PCCA: variants seen among roughly 807,000 people sequenced by gnomAD.
The protein encoded by PCCA is propionyl-CoA carboxylase subunit alpha, also known as propionyl-CoA carboxylase alpha chain, mitochondrial.
PCCA carries 74 observed loss-of-function variants against 101.3 expected under a neutral mutation model. That is an observed-to-expected ratio of 0.73 (90% CI 0.61 to 0.89). The LOEUF is 0.89. Among genes scored for constraint, PCCA ranks in the 40% least tolerant of loss-of-function variants. PCCA has a pLI of 0.00. For synonymous variants in PCCA, 294 were observed against 313.6 expected (o/e 0.94, Z 0.66); for missense variants, 891 against 907.0 (o/e 0.98, Z 0.23).
At chr13:100,384,068 C>T (rs1309483359) in intron 19 of PCCA, among the ~76,000 whole-genome samples, 1 of 150,714 alleles carries the variant, frequency 6.6e-6, no homozygotes, top group Non-Finnish European at 1.5e-5. Flanking sequence ...CTCTGTTGCC[C>T]AGGCAGGAGT....
At chr13:100,521,924 CAG>C (rs2087331650) in intron 22 of PCCA, among the ~76,000 whole-genome samples, 1 of 152,218 alleles carries the variant, frequency 6.6e-6, no homozygotes, top group Non-Finnish European at 1.5e-5. Context: ...CAGAAAAACA[CAG>C]AATGTAGGAC....
intron 21 of PCCA, chr13:100,479,511 A>T (rs12430630): frequency 2.6e-5 from 4 of 152,206 alleles, no homozygotes; most frequent in Non-Finnish European, 5.9e-5. Context: ...ATGATTATAT[A>T]CTGTATTCCT....
At chr13:100,438,770 C>T (rs941449206) in intron 20 of PCCA, among the ~76,000 whole-genome samples, 1 of 151,754 alleles carries the variant, frequency 6.6e-6, no homozygotes, top group African/African-American at 2.4e-5. Flanking sequence ...AGTTTCTTTG[C>T]CTTATTCTTT....
intron 22 of PCCA, among the ~76,000 whole-genome samples, chr13:100,524,374 C>CGTGTGTGTGTGTGTGT (rs1210676697): frequency 0.01 from 1,432 of 139,122 alleles, 25 homozygotes; most frequent in South Asian, 0.02. Flanking sequence ...CAATTAAGCT[C>CGTGTGTGTGTGTGTGT]GTGTGTGTGT....
chr13:100,273,270 C>T lies in PCCA; in HGVS notation c.989C>T (p.Ser330Phe), dbSNP rs1296055538. ...AVALARAVKY[S>F]SAGTVEFLVD... is the part of the protein sequence containing the mutation. ...GCTCTTGCCAGAGCAGTAAAATATTCCTCTGCTGGGACCGTGGAGTTCCTT... is the reference window on the plus strand; with the variant it reads ...GCTCTTGCCAGAGCAGTAAAATATTTCTCTGCTGGGACCGTGGAGTTCCTT... Residue 330 changes from serine to phenylalanine, a missense_variant, in exon 12 of 24, where the codon TCC becomes TTC. By Grantham distance (155) the Ser-to-Phe change is radical. Coordinates refer to ENST00000376285, the MANE Select transcript of PCCA (RefSeq NM_000282.4). The T allele has an allele frequency of 3.1e-6, 5 of 1,610,572 alleles. No homozygotes were observed. The highest frequency in any genetic ancestry group is 2.2e-5 in the East Asian group (1 of 44,820).
chr13:100,252,830 G>C (rs930068960), intron 8 of PCCA, among the ~76,000 whole-genome samples: 2 of 152,102 alleles, frequency 1.3e-5, no homozygotes, highest in East Asian at 1.9e-4. Context: ...TGCTGCAAAG[G>C]CTTCCTCATC....
At chr13:100,228,057 C>T (rs2152508289) in intron 7 of PCCA, among the ~76,000 whole-genome samples, 1 of 152,108 alleles carries the variant, frequency 6.6e-6, no homozygotes, top group East Asian at 1.9e-4. Flanking sequence ...GCTCTTTCAC[C>T]CAGGCTGGAG....
At chr13:100,150,234 A>G (rs1288518716) in intron 4 of PCCA, among the ~76,000 whole-genome samples, 3 of 152,064 alleles carry the variant, frequency 2.0e-5, no homozygotes, top group Non-Finnish European at 4.4e-5. Flanking sequence ...GGGTTTCACC[A>G]TGTTGGTCAG....
At chr13:100,407,305 T>C (rs1222702623) in intron 19 of PCCA, among the ~76,000 whole-genome samples, 3 of 152,206 alleles carry the variant, frequency 2.0e-5, no homozygotes, top group Non-Finnish European at 4.4e-5. Context: ...CCAGGGGCCC[T>C]CTGGACTATC....
intron 21 of PCCA, among the ~76,000 whole-genome samples, chr13:100,485,775 G>A (rs1215802627): frequency 2.0e-5 from 3 of 152,168 alleles, no homozygotes; most frequent in Non-Finnish European, 4.4e-5. Context: ...GGAGCACTCA[G>A]TATGTGTGAG....
chr13:100,260,762 T>A (rs143742948), intron 9 of PCCA, among the ~76,000 whole-genome samples: 2,021 of 152,146 alleles, frequency 0.013, 22 homozygotes, highest in Non-Finnish European at 0.021. Context: ...TTTAAAGTTG[T>A]AATAATTAAA....
chr13:100,284,872 A>C (rs971327005), intron 12 of PCCA, among the ~76,000 whole-genome samples: 1 of 152,212 alleles, frequency 6.6e-6, no homozygotes, highest in Non-Finnish European at 1.5e-5. Flanking sequence ...GCCCTAGCCC[A>C]AGATCTAGGC....
At chr13:100,400,137 T>C (rs1423950780) in intron 19 of PCCA, among the ~76,000 whole-genome samples, 2 of 152,166 alleles carry the variant, frequency 1.3e-5, no homozygotes, top group African/African-American at 4.8e-5. Context: ...TAAAACAGGA[T>C]TGGCTTTGAG....
At chr13:100,178,826 C>G (rs973943674) in intron 6 of PCCA, among the ~76,000 whole-genome samples, 10 of 151,768 alleles carry the variant, frequency 6.6e-5, no homozygotes, top group Non-Finnish European at 1.5e-4. Flanking sequence ...GCCTGTAATC[C>G]CAGCACTTTG....
chr13:100,174,957 TA>T (rs1283460461), intron 6 of PCCA, among the ~76,000 whole-genome samples: 1 of 152,160 alleles, frequency 6.6e-6, no homozygotes, highest in Non-Finnish European at 1.5e-5. Flanking sequence ...AAAAATAATT[TA>T]CTTAAAAAGT....
chr13:100,428,115 A>G (rs565706017), intron 20 of PCCA, among the ~76,000 whole-genome samples: 36 of 151,892 alleles, frequency 2.4e-4, no homozygotes, highest in Admixed American at 5.9e-4. Flanking sequence ...CACCTAGGCT[A>G]GAGTGCAATG....
intron 21 of PCCA, among the ~76,000 whole-genome samples, chr13:100,453,892 T>C (rs1435982299): frequency 6.6e-6 from 1 of 152,122 alleles, no homozygotes; most frequent in East Asian, 1.9e-4. Flanking sequence ...GGAGACAGAG[T>C]CTCACTCAGT....
intron 2 of PCCA, among the ~76,000 whole-genome samples, chr13:100,104,210 CAT>C (rs768323772): frequency 3.2e-4 from 48 of 152,188 alleles, no homozygotes; most frequent in South Asian, 6.2e-4. Flanking sequence ...TCTTCTGAAT[CAT>C]GTGCTGAAGT....
chr13:100,220,120 G>A (rs2059732163), intron 7 of PCCA, among the ~76,000 whole-genome samples: 1 of 152,162 alleles, frequency 6.6e-6, no homozygotes, highest in African/African-American at 2.4e-5. Context: ...ACTGAAGGTA[G>A]TAAGAGCCCA....
Sources: gnomAD v4.1 joint callset for allele counts (sites outside exome capture counted in the v4.1 genomes callset) on GRCh38, gnomAD v4.1.1 for gene constraint, MANE v1.5 for transcripts, NCBI Gene and HGNC (gene_info 2026-07-23, HGNC 2026-07-21) for gene names.